Variants in DAB1 observed in about 807,000 individuals in gnomAD.
DAB1 encodes the protein disabled homolog 1.
DAB1 carries 15 observed loss-of-function variants against 64.6 expected under a neutral mutation model. That is an observed-to-expected ratio of 0.23 (90% confidence interval 0.16 to 0.36). The LOEUF is 0.36. Among genes scored for constraint, DAB1 ranks in the 10% least tolerant of loss-of-function variants. The pLI, the probability that DAB1 is intolerant of heterozygous loss-of-function variation, is 1.00. For missense variants in DAB1, 596 were observed against 706.7 expected (o/e 0.84, Z 1.78); for synonymous variants, 235 against 251.9 (o/e 0.93, Z 0.64).
chr1:57,618,678 G>A (rs1050667649), intron 7 of DAB1, among the ~76,000 whole-genome samples: 14 of 152,108 alleles, frequency 9.2e-5, no homozygotes, highest in Middle Eastern at 3.2e-3. Flanking sequence ...CAGCCTTTCC[G>A]GAGCCTTTTG....
At chr1:58,453,394 C>T (rs545697533) in intron 3 of DAB1, among the ~76,000 whole-genome samples, 235 of 152,268 alleles carry the variant, frequency 1.5e-3, no homozygotes, top group Non-Finnish European at 1.0e-3. Context: ...TTGAGAACAG[C>T]AATAATAACA....
At chr1:58,411,979 T>C (rs1225583618) in intron 3 of DAB1, among the ~76,000 whole-genome samples, 1 of 152,170 alleles carries the variant, frequency 6.6e-6, no homozygotes, top group African/African-American at 2.4e-5. Context: ...TTCCATGTGA[T>C]TCAGGTGAGC....
chr1:57,235,007 A>G (rs1667989231), intron 2 of DAB1, among the ~76,000 whole-genome samples: 1 of 152,246 alleles, frequency 6.6e-6, no homozygotes, highest in South Asian at 2.1e-4. Context: ...GATTAGATTA[A>G]GACCACCTGG....
chr1:58,253,884 T>G (rs1660862427), intron 4 of DAB1, among the ~76,000 whole-genome samples: 1 of 152,208 alleles, frequency 6.6e-6, no homozygotes, highest in Non-Finnish European at 1.5e-5. Context: ...CTTCTGTTTT[T>G]CAACTGGACA....
chr1:57,238,291 T>G (rs945796367), intron 2 of DAB1, among the ~76,000 whole-genome samples: 2 of 152,144 alleles, frequency 1.3e-5, no homozygotes, highest in African/African-American at 4.8e-5. Flanking sequence ...CCTCTAGTTA[T>G]GATACCCTGA....
At chr1:57,648,934 C>T (rs964721308) in intron 7 of DAB1, among the ~76,000 whole-genome samples, 1 of 152,076 alleles carries the variant, frequency 6.6e-6, no homozygotes, top group African/African-American at 2.4e-5. Flanking sequence ...CAGCATTATC[C>T]CCAGTAAACA....
intron 9 of DAB1, among the ~76,000 whole-genome samples, chr1:57,036,371 T>C (rs1019965953): frequency 6.6e-6 from 1 of 152,164 alleles, no homozygotes; most frequent in Non-Finnish European, 1.5e-5. Context: ...GTGTCTACCT[T>C]ACTGTTCTAA....
Position 57,440,478 on chromosome 1 carries a change from G to A in DAB1, n.626-149312C>T, listed in dbSNP as rs573136476. Among the ~76,000 whole-genome samples, 62 of 152,254 alleles carry A rather than the reference G, an allele frequency of 4.1e-4. 1 individual carries two copies. The South Asian group carries it at 0.013, about 31-fold the overall frequency. ...GGATACCCAGACAGTAATCCAGCCA[G>A]GGCTTGTGAAGAAAGACAGGTAAGT... On this transcript the variant is annotated intron_variant and non_coding_transcript_variant, in intron 7 of 20. Coordinates refer to the DAB1 transcript ENST00000485760.
At chr1:57,257,292 C>T (rs545093317) in intron 2 of DAB1, among the ~76,000 whole-genome samples, 2 of 152,296 alleles carry the variant, frequency 1.3e-5, no homozygotes, top group South Asian at 4.1e-4. Flanking sequence ...CTGCCAGCTG[C>T]TTCCACAATG....
intron 7 of DAB1, among the ~76,000 whole-genome samples, chr1:57,487,189 T>G (rs1030221350): frequency 6.6e-6 from 1 of 152,130 alleles, no homozygotes; most frequent in Non-Finnish European, 1.5e-5. Flanking sequence ...AGAACACAGG[T>G]AGAGGTAGAT....
intron 2 of DAB1, among the ~76,000 whole-genome samples, chr1:57,171,844 AT>A (rs781614223): frequency 1.6e-4 from 24 of 152,360 alleles, no homozygotes; most frequent in Admixed American, 3.3e-4. Context: ...AAGAAATAAA[AT>A]TAAGTGACAG....
chr1:58,448,938 GAAAT>G (rs1645102073), intron 3 of DAB1, among the ~76,000 whole-genome samples: 1 of 152,116 alleles, frequency 6.6e-6, no homozygotes, highest in Non-Finnish European at 1.5e-5. Flanking sequence ...AGTAGAGAAA[GAAAT>G]AGAATCCAAC....
intron 5 of DAB1, among the ~76,000 whole-genome samples, chr1:58,102,446 T>C (rs1468379787): frequency 6.6e-6 from 1 of 152,182 alleles, no homozygotes; most frequent in Non-Finnish European, 1.5e-5. Context: ...AACCAACCTG[T>C]TGCTTACCCC....
intron 5 of DAB1, among the ~76,000 whole-genome samples, chr1:58,124,306 ATAGT>A (rs1175573572): frequency 2.0e-5 from 3 of 152,100 alleles, no homozygotes; most frequent in Non-Finnish European, 2.9e-5. Context: ...AGCACTCTAA[ATAGT>A]TATTATTAGA....
At chr1:57,031,189 A>T (rs1337610834) in intron 9 of DAB1, among the ~76,000 whole-genome samples, 1 of 152,214 alleles carries the variant, frequency 6.6e-6, no homozygotes, top group Non-Finnish European at 1.5e-5. Context: ...TGCTGTTTAA[A>T]TAGAACCTTG....
At chr1:58,408,981 G>T (rs1311086234) in intron 3 of DAB1, among the ~76,000 whole-genome samples, 1 of 152,238 alleles carries the variant, frequency 6.6e-6, no homozygotes, top group African/African-American at 2.4e-5. Context: ...CCTGTCTTCA[G>T]GAAACTTGAG....
At chr1:58,158,987 C>A (rs1655367049) in intron 4 of DAB1, among the ~76,000 whole-genome samples, 1 of 152,126 alleles carries the variant, frequency 6.6e-6, no homozygotes, top group Non-Finnish European at 1.5e-5. Context: ...TTGTGAATAA[C>A]CACACAATAA....
At chr1:58,534,349 ACTT>A (rs1202439417) in intron 1 of DAB1, 2 of 826,194 alleles carry the variant, frequency 2.4e-6, no homozygotes, top group Non-Finnish European at 4.1e-6. Flanking sequence ...ATTAAAAATT[ACTT>A]CTTATTTTAA....
At chr1:57,392,760 C>G (rs1314018369) in intron 1 of DAB1, among the ~76,000 whole-genome samples, 1 of 152,208 alleles carries the variant, frequency 6.6e-6, no homozygotes, top group African/African-American at 2.4e-5. Flanking sequence ...CTGGCATGTT[C>G]GGGAAATAGC....
Sources: gnomAD v4.1 joint callset for allele counts (sites outside exome capture counted in the v4.1 genomes callset) on GRCh38, gnomAD v4.1.1 for gene constraint, MANE v1.5 for transcripts, NCBI Gene and HGNC (gene_info 2026-07-23, HGNC 2026-07-21) for gene names.